Variants in FAF1 observed in about 807,000 individuals in gnomAD.
The protein encoded by FAF1 is Fas associated factor 1, also known as FAS-associated factor 1.
In FAF1, 25 loss-of-function variants were observed where a neutral mutation model predicts 92.5. That is an observed-to-expected ratio of 0.27 (90% CI 0.20 to 0.38). The LOEUF (loss-of-function observed/expected upper bound fraction) is 0.38, where lower values mean the gene tolerates loss of function less well. Ranked by LOEUF, FAF1 falls within the 10% of genes least tolerant of loss-of-function variation. The pLI, the probability that FAF1 is intolerant of heterozygous loss-of-function variation, is 1.00. For synonymous variants in FAF1, 234 were observed against 273.2 expected (o/e 0.86, Z 1.42); for missense variants, 636 against 793.3 (o/e 0.80, Z 2.38).
At position 50,641,790 on chromosome 1, in the gene FAF1, G is replaced by C. The variant is rs182481828; in HGVS notation, c.744+13652C>G. Among the ~76,000 whole-genome samples, 841 of 152,228 alleles carry C rather than the reference G, an allele frequency of 5.5e-3. 3 individuals are homozygous for C. The highest frequency in any genetic ancestry group is 0.024 in the Middle Eastern group (7 of 294). On this transcript the variant is annotated intron_variant, in intron 8 of 18. Coordinates refer to ENST00000396153, the MANE Select transcript of FAF1 (RefSeq NM_007051.3). Reference sequence around the variant, plus strand: ...AAATGAAATCTCTACCTGTGTGTCAGCTTTGGCTTTGCGTATTTTGAAACT... The same window carrying C: ...AAATGAAATCTCTACCTGTGTGTCACCTTTGGCTTTGCGTATTTTGAAACT...
intron 2 of FAF1, among the ~76,000 whole-genome samples, chr1:50,820,556 T>C (rs1419304829): frequency 6.6e-6 from 1 of 152,116 alleles, no homozygotes; most frequent in Non-Finnish European, 1.5e-5. Context: ...GTAAACAATA[T>C]AGTATTATTA....
At chr1:50,819,742 TATATATATAC>T (rs1485491309) in intron 2 of FAF1, among the ~76,000 whole-genome samples, 8,288 of 67,500 alleles carry the variant, frequency 0.12, 1,203 homozygotes, top group South Asian at 0.23. Context: ...TATATATACA[TATATATATAC>T]ATATATATAT....
intron 2 of FAF1, among the ~76,000 whole-genome samples, chr1:50,820,583 T>A (rs1644034532): frequency 6.6e-6 from 1 of 152,178 alleles, no homozygotes; most frequent in Admixed American, 6.5e-5. Context: ...GTCACTATGC[T>A]GTACCTTAGA....
rs1028680724 is a variant in FAF1 at position 50,443,912 on chromosome 1, C to G, written c.1870-2389G>C. Among the ~76,000 whole-genome samples the G allele has an allele frequency of 1.1e-4, 17 of 152,242 alleles. No homozygotes were observed. In the East Asian group the frequency reaches 1.4e-3, roughly 12 times the overall value. On this transcript the variant is annotated intron_variant, in intron 18 of 18. Transcript: ENST00000396153. ...CCCACGGCCCAGCAAGAGTGCCCCCCCTTTCCTGATCAGGTAATGCCTCCA... is the reference window on the plus strand; with the variant it reads ...CCCACGGCCCAGCAAGAGTGCCCCCGCTTTCCTGATCAGGTAATGCCTCCA...
chr1:50,653,978 G>A (rs1654993267), intron 8 of FAF1, among the ~76,000 whole-genome samples: 1 of 152,022 alleles, frequency 6.6e-6, no homozygotes, highest in African/African-American at 2.4e-5. Context: ...AAAAATAAAG[G>A]TTTTGCTATT....
Position 50,619,889 on chromosome 1 carries a change from T to C in FAF1, c.745-23673A>G, listed in dbSNP as rs577290903. 3.9e-5 allele frequency among the ~76,000 whole-genome samples: 6 copies of C among 152,052 alleles called. No homozygotes were observed. In the East Asian group the frequency reaches 1.2e-3, roughly 29 times the overall value. On this transcript the variant is annotated intron_variant, in intron 8 of 18. Coordinates refer to ENST00000396153, the MANE Select transcript of FAF1 (RefSeq NM_007051.3). ...CTCTCTTAAAAATGCCAATGAATAG[T>C]AGATTTGGTCTCTCTCTCTCTTTTT...
chr1:50,616,217 C>A (rs184142872), intron 8 of FAF1, among the ~76,000 whole-genome samples: 1 of 152,244 alleles, frequency 6.6e-6, no homozygotes, highest in Admixed American at 6.5e-5. Flanking sequence ...GTCTATGTGT[C>A]TGTTTTTGTA....
At chr1:50,872,663 G>A (rs193058442) in intron 1 of FAF1, among the ~76,000 whole-genome samples, 13 of 152,244 alleles carry the variant, frequency 8.5e-5, no homozygotes, top group East Asian at 3.9e-4. Context: ...TTGGGAGGCC[G>A]AGGCAGGCAG....
chr1:50,890,486 G>T (rs1644709610), intron 1 of FAF1, among the ~76,000 whole-genome samples: 1 of 152,170 alleles, frequency 6.6e-6, no homozygotes, highest in Admixed American at 6.5e-5. Context: ...GCATGTTTTT[G>T]CAGTGGCTGG....
chr1:50,863,160 G>A (rs1280302183), intron 1 of FAF1, among the ~76,000 whole-genome samples: 1 of 151,804 alleles, frequency 6.6e-6, no homozygotes, highest in African/African-American at 2.4e-5. Context: ...ATTATATCAA[G>A]TATTCTGTCA....
At chr1:50,863,266 T>C (rs191638109) in intron 1 of FAF1, among the ~76,000 whole-genome samples, 1 of 152,026 alleles carries the variant, frequency 6.6e-6, no homozygotes, top group Admixed American at 6.6e-5. Flanking sequence ...TGAATGATCT[T>C]TGGGTCAACA....
intron 13 of FAF1, among the ~76,000 whole-genome samples, chr1:50,540,245 T>A (rs887249240): frequency 2.0e-5 from 3 of 152,166 alleles, no homozygotes; most frequent in Admixed American, 1.3e-4. Context: ...GTGCTGGGAT[T>A]AGAGGTGTGA....
At chr1:50,539,821 GTTAAA>G in intron 13 of FAF1, 93 bp from the exon 14 acceptor site, 1 of 881,300 alleles carries the variant, frequency 1.1e-6, no homozygotes, top group Admixed American at 2.5e-5. Context: ...TATTAGTTAT[GTTAAA>G]TTAGACAGCC....
At chr1:50,828,636 G>A (rs1054977072) in intron 2 of FAF1, among the ~76,000 whole-genome samples, 6 of 152,142 alleles carry the variant, frequency 3.9e-5, no homozygotes, top group Admixed American at 2.0e-4. Context: ...CAAACTTCAG[G>A]CTCTCTTATA....
chr1:50,892,279 G>T (rs1047891343), intron 1 of FAF1, among the ~76,000 whole-genome samples: 8 of 152,246 alleles, frequency 5.3e-5, no homozygotes, highest in African/African-American at 7.2e-5. Flanking sequence ...GGCTAGGAAA[G>T]GGAATTCCCT....
At chr1:50,867,836 C>T (rs1644495123) in intron 1 of FAF1, among the ~76,000 whole-genome samples, 1 of 152,080 alleles carries the variant, frequency 6.6e-6, no homozygotes, top group African/African-American at 2.4e-5. Flanking sequence ...TGGGTACCTA[C>T]CCAGAGGGAA....
At chr1:50,595,096 C>T (rs983365468) in intron 9 of FAF1, among the ~76,000 whole-genome samples, 2 of 151,228 alleles carry the variant, frequency 1.3e-5, no homozygotes, top group African/African-American at 4.9e-5. Context: ...CTCTTGTTGC[C>T]CAGGCTGGAG....
At chr1:50,853,628 A>C (rs746087197) in intron 2 of FAF1, among the ~76,000 whole-genome samples, 2 of 152,108 alleles carry the variant, frequency 1.3e-5, no homozygotes, top group Non-Finnish European at 2.9e-5. Context: ...TGGCTAGGTT[A>C]ATGTTTACTT....
chr1:50,903,449 A>ATCTTATAC (rs1644812040), intron 1 of FAF1, among the ~76,000 whole-genome samples: 2 of 152,138 alleles, frequency 1.3e-5, no homozygotes, highest in African/African-American at 4.8e-5. Flanking sequence ...GTCATCTTAT[A>ATCTTATAC]ACTATATCTA....
Sources: gnomAD v4.1 joint callset for allele counts (sites outside exome capture counted in the v4.1 genomes callset) on GRCh38, gnomAD v4.1.1 for gene constraint, MANE v1.5 for transcripts, NCBI Gene and HGNC (gene_info 2026-07-23, HGNC 2026-07-21) for gene names.